The following PARP1 variants were observed in gnomAD, a reference collection of about 807,000 sequenced individuals.
PARP1 encodes poly(ADP-ribose) polymerase 1.
Under a neutral mutation model 118.7 loss-of-function variants are expected in PARP1, and 44 were observed. That is an observed-to-expected ratio of 0.37 (90% CI 0.29 to 0.48). PARP1 has a LOEUF of 0.48. PARP1 is among the 20% of genes least tolerant of loss of function. PARP1 has a pLI of 0.99. For synonymous variants in PARP1, 492 were observed against 483.2 expected, an observed-to-expected ratio of 1.02 and a Z score of -0.24; for missense variants, 1,100 against 1,272.4, an observed-to-expected ratio of 0.86 and a Z score of 2.06.
At chr1:226,398,192 C>T (rs184813146) in intron 2 of PARP1, among the ~76,000 whole-genome samples, 1 of 152,162 alleles carries the variant, frequency 6.6e-6, no homozygotes, top group African/African-American at 2.4e-5. Context: ...AACTTCTGCT[C>T]TGCGGAAGAC....
At chr1:226,406,199 T>C (rs1447439597) in intron 1 of PARP1, among the ~76,000 whole-genome samples, 1 of 152,204 alleles carries the variant, frequency 6.6e-6, no homozygotes, top group Non-Finnish European at 1.5e-5. Flanking sequence ...ACTGCTAATA[T>C]GCCTTTGCTT....
chr1:226,385,215 C>T (rs1260646121), intron 7 of PARP1, among the ~76,000 whole-genome samples: 1 of 152,244 alleles, frequency 6.6e-6, no homozygotes, highest in Admixed American at 6.5e-5. Context: ...AAGCCTAGAA[C>T]TGTGCCTGGC....
At chr1:226,381,357 G>T in intron 8 of PARP1, 149 bp from the exon 9 acceptor site, 1 of 840,664 alleles carries the variant, frequency 1.2e-6, no homozygotes, top group Non-Finnish European at 2.0e-6. Flanking sequence ...GGGACAGCAA[G>T]CTGCCACCTG....
At position 226,380,012 on chromosome 1, in the gene PARP1, C is replaced by T. The variant is rs1207430779; in HGVS notation, c.1453G>A (p.Val485Met). The T allele has an allele frequency of 1.2e-6, 2 of 1,614,220 alleles. No homozygotes were observed. The highest frequency in any genetic ancestry group is 1.7e-6 in the Non-Finnish European group (2 of 1,180,042). Residue 485 changes from valine to methionine, a missense_variant, in exon 10 of 23, where the codon GTG becomes ATG. By Grantham distance (21) the Val-to-Met change is conservative. Around this residue, in one of 2 missense-constraint regions of PARP1, gnomAD observed 948 missense variants for 1,031.8 expected, o/e 0.92. Transcript: ENST00000366794. ...ACAACTTCAACAGGCTCTGCCTTCACCTCTGCCCCCCAAGGGGACAAGATG... is the reference window on the plus strand; with the variant it reads ...ACAACTTCAACAGGCTCTGCCTTCATCTCTGCCCCCCAAGGGGACAAGATG... ...AHILSPWGAE[V>M]KAEPVEVVAP...
intron 2 of PARP1, among the ~76,000 whole-genome samples, chr1:226,401,784 T>TAG (rs1665042512): frequency 6.6e-6 from 1 of 152,174 alleles, no homozygotes; most frequent in Admixed American, 6.5e-5. Context: ...CCATAGAATG[T>TAG]AGAGCATCAG....
rs781161066 is a variant in PARP1 at position 226,377,316 on chromosome 1, G to C, written c.1746-13C>G. ...GAATATCCAATACCTGCAGTGGGAA[G>C]GAGGGTGTCAGATACACATGTGTGG... is the stretch of plus-strand genomic sequence containing the variant. On this transcript the variant is annotated splice_polypyrimidine_tract_variant and intron_variant, in intron 12 of 22. Transcript: ENST00000366794. The C allele has an allele frequency of 1.2e-6, 2 of 1,609,064 alleles. No individual in the cohort carries two copies. The highest frequency in any genetic ancestry group is 2.2e-5 in the South Asian group (2 of 90,972).
chr1:226,366,858 C>T (rs2102727969), intron 17 of PARP1: 1 of 165,558 alleles, frequency 6.0e-6, no homozygotes, highest in South Asian at 1.6e-4. Context: ...CACCCAAACC[C>T]CTGCAACACT....
chr1:226,386,163 G>A (rs1467827554), intron 6 of PARP1, among the ~76,000 whole-genome samples, 163 bp downstream of exon 6: 1 of 152,218 alleles, frequency 6.6e-6, no homozygotes, highest in Non-Finnish European at 1.5e-5. Flanking sequence ...TGGTGACCAC[G>A]ATGGTGGTGA....
intron 2 of PARP1, among the ~76,000 whole-genome samples, chr1:226,397,101 G>C (rs1664938541): frequency 6.7e-6 from 1 of 149,622 alleles, no homozygotes; most frequent in African/African-American, 2.5e-5. Context: ...CCAGCCTGGG[G>C]TCTTGCCAAG....
At position 226,381,105 on chromosome 1, in the gene PARP1, C is replaced by T; in HGVS notation, c.1263G>A (p.Gly421=). 3.1e-6 allele frequency: 5 copies of T among 1,614,192 alleles called. No individual in the cohort carries two copies. The highest frequency in any genetic ancestry group is 4.2e-6 in the Non-Finnish European group (5 of 1,180,038). The part of the protein sequence containing the change: ...MIEKLGGKLT[G]TANKASLCIS... ...TGCACAGGGAAGCCTTGTTGGCCGT[C>T]CCCGTCAACTTCCCCCCGAGTTTCT... The change falls in exon 9 of 23, where the codon GGG becomes GGA. Residue 421 remains glycine (G), a synonymous_variant. Coordinates refer to ENST00000366794, the MANE Select transcript of PARP1 (RefSeq NM_001618.4).
chr1:226,392,184 C>T lies in PARP1; in HGVS notation c.402+15G>A. On this transcript the variant is annotated intron_variant, in intron 3 of 22. Coordinates refer to ENST00000366794, the MANE Select transcript of PARP1 (RefSeq NM_001618.4). ...AATCCATAAAGTTCAGGGATCTGGG[C>T]CCCCAAGATCTTACCTTTTCTATCT... 1 of 1,497,732 alleles carries T rather than the reference C, an allele frequency of 6.7e-7. No homozygotes were observed. The allele number at this position is 1,497,732 out of a possible 1,614,324, so 92.8% of individuals were successfully genotyped here.
chr1:226,370,056 T>C (rs1380362790), intron 15 of PARP1, among the ~76,000 whole-genome samples: 1 of 149,768 alleles, frequency 6.7e-6, no homozygotes, highest in African/African-American at 2.5e-5. Context: ...CCTCCATGGG[T>C]TCTGCAGGGC....
chr1:226,383,108 C>T lies in PARP1; in HGVS notation c.1087G>A (p.Ala363Thr), dbSNP rs779486158. ...GGCGGAGGCGTGGCCGCCACGGAGG[C>T]GCTGGTTTCTGGGGGGAATATACGG... ...QDRIFPPETSASVAATPPPST... is the reference protein window; with the variant it reads ...QDRIFPPETSTSVAATPPPST... The change falls in exon 8 of 23, where the codon GCC becomes ACC. Residue 363 changes from alanine to threonine, a missense_variant. Physicochemically the swap from Ala to Thr is moderately conservative, Grantham distance 58. Transcript: ENST00000366794. 2.9e-5 allele frequency: 47 copies of T among 1,613,026 alleles called. No homozygotes were observed. The highest frequency in any genetic ancestry group is 4.0e-5 in the Non-Finnish European group (47 of 1,179,890).
In PARP1 at chr1:226,363,107, C is replaced by T. The variant is rs758843166; in HGVS notation, c.2840G>A (p.Ser947Asn). 5.0e-6 allele frequency: 8 copies of T among 1,612,830 alleles called. No homozygotes were observed. The highest frequency in any genetic ancestry group is 6.8e-6 in the Non-Finnish European group (8 of 1,178,788). Residue 947 changes from serine (S) to asparagine (N), a missense_variant, in exon 21 of 23, where the codon AGT becomes AAT. This residue lies in a region of PARP1 where 152 missense variants were observed against 240.6 expected (regional missense o/e 0.63). Transcript: ENST00000366794. ...CTTTGGAAACACTTTACCTTTGACA[C>T]TGTGCTTGCCCTTGGGTAACTTGCT... ...HISKLPKGKHSVKGLGKTTPD... is the reference protein window; with the variant it reads ...HISKLPKGKHNVKGLGKTTPD...
chr1:226,379,573 C>G lies in PARP1; in HGVS notation c.1612G>C (p.Gly538Arg). The change falls in exon 11 of 23, where the codon GGA (glycine) becomes CGA (arginine). Residue 538 changes from glycine (G) to arginine (R), a missense_variant and splice_region_variant. By Grantham distance (125) the Gly-to-Arg change is moderately radical. Around this residue, in one of 2 missense-constraint regions of PARP1, gnomAD observed 948 missense variants for 1,031.8 expected, o/e 0.92. Coordinates refer to ENST00000366794, the MANE Select transcript of PARP1 (RefSeq NM_001618.4). ...KGGAAVDPDS[G>R]LEHSAHVLEK... ...TTTGCTGGCAGTCCTGTTTGCTTAC[C>G]AGAATCAGGATCCACAGCTGCTCCT... 6.2e-7 allele frequency: 1 copy of G among 1,611,500 alleles called. No homozygotes were observed.
chr1:226,374,510 C>T (rs1169815921), intron 13 of PARP1, among the ~76,000 whole-genome samples, 156 bp from the exon 14 acceptor site: 1 of 152,208 alleles, frequency 6.6e-6, no homozygotes, highest in Non-Finnish European at 1.5e-5. Context: ...AAACAGTGGC[C>T]AGGATGAGTG....
intron 2 of PARP1, among the ~76,000 whole-genome samples, chr1:226,399,616 T>A (rs1302255445): frequency 6.6e-6 from 1 of 152,208 alleles, no homozygotes; most frequent in African/African-American, 2.4e-5. Flanking sequence ...GTATGTTTGT[T>A]AAAACTGACA....
At chr1:226,362,889 C>A in intron 21 of PARP1, among the ~76,000 whole-genome samples, 1 of 151,010 alleles carries the variant, frequency 6.6e-6, no homozygotes, top group African/African-American at 2.4e-5. Context: ...ATAAAATGAA[C>A]CTCCAATCAT....
At chr1:226,403,412 T>A (rs1425319888) in intron 1 of PARP1, among the ~76,000 whole-genome samples, 1 of 152,202 alleles carries the variant, frequency 6.6e-6, no homozygotes, top group Non-Finnish European at 1.5e-5. Context: ...ACTTCTGACC[T>A]CGTGACCCGC....
Sources: allele counts gnomAD v4.1 joint callset (sites outside exome capture counted in the v4.1 genomes callset), GRCh38; gene constraint gnomAD v4.1.1; regional missense constraint gnomAD v4.1.1; transcripts MANE v1.5; gene names NCBI Gene and HGNC (gene_info 2026-07-23, HGNC 2026-07-21).